Variants in IL1RAP observed in about 807,000 individuals in gnomAD.
IL1RAP encodes the protein interleukin 1 receptor accessory protein.
IL1RAP carries 35 observed loss-of-function variants against 60.7 expected under a neutral mutation model. That is an observed-to-expected ratio of 0.58 (90% confidence interval 0.44 to 0.76). IL1RAP has a LOEUF of 0.76. Ranked by LOEUF, IL1RAP falls within the 30% of genes least tolerant of loss-of-function variation. The pLI, the probability that IL1RAP is intolerant of heterozygous loss-of-function variation, is 0.00. For missense variants in IL1RAP, 572 were observed against 693.9 expected, an observed-to-expected ratio of 0.82 and a Z score of 1.97; for synonymous variants, 268 against 250.9, an observed-to-expected ratio of 1.07 and a Z score of -0.64.
At chr3:190,574,491 C>G (rs1020870060) in intron 3 of IL1RAP, among the ~76,000 whole-genome samples, 7 of 152,166 alleles carry the variant, frequency 4.6e-5, no homozygotes, top group Non-Finnish European at 8.8e-5. Context: ...CTGTGGCTAA[C>G]TCAGAGATAC....
At chr3:190,594,267 A>G (rs1402651345) in intron 3 of IL1RAP, among the ~76,000 whole-genome samples, 1 of 152,206 alleles carries the variant, frequency 6.6e-6, no homozygotes, top group Non-Finnish European at 1.5e-5. Flanking sequence ...CCAGACTCCA[A>G]GTAATGAGGA....
At chr3:190,533,260 A>G (rs755286860) in intron 1 of IL1RAP, among the ~76,000 whole-genome samples, 19 of 152,326 alleles carry the variant, frequency 1.2e-4, no homozygotes, top group Non-Finnish European at 2.6e-4. Flanking sequence ...TATGAAAACT[A>G]CATTAGTAAT....
At chr3:190,539,955 T>C (rs2108559251) in intron 1 of IL1RAP, among the ~76,000 whole-genome samples, 1 of 152,164 alleles carries the variant, frequency 6.6e-6, no homozygotes, top group South Asian at 2.1e-4. Flanking sequence ...AAAAAATATA[T>C]TTTATGGTTC....
chr3:190,627,297 TTTG>T, intron 7 of IL1RAP, 23 bp from the exon 8 acceptor site: 2 of 1,483,852 alleles, frequency 1.3e-6, no homozygotes, highest in South Asian at 1.2e-5. Context: ...TTTTGTTTTT[TTTG>T]TTTTTTTGGT....
intron 1 of IL1RAP, among the ~76,000 whole-genome samples, chr3:190,540,538 CT>C (rs983347493): frequency 2.0e-4 from 30 of 148,776 alleles, no homozygotes; most frequent in South Asian, 1.7e-3. Flanking sequence ...TTTGTATTTT[CT>C]TTTTTTTTTC....
At chr3:190,537,131 A>C (rs189466444) in intron 1 of IL1RAP, among the ~76,000 whole-genome samples, 1 of 152,332 alleles carries the variant, frequency 6.6e-6, no homozygotes, top group East Asian at 1.9e-4. Flanking sequence ...TGTGATATTT[A>C]AAGATTTTGC....
chr3:190,617,412 A>T (rs150621492), intron 5 of IL1RAP, among the ~76,000 whole-genome samples: 1 of 152,104 alleles, frequency 6.6e-6, no homozygotes, highest in African/African-American at 2.4e-5. Context: ...TTCTTTACCT[A>T]TATGTTGTGG....
exon 12 of IL1RAP, chr3:190,658,795 A>G (rs1307238038): frequency 6.6e-6 from 1 of 152,204 alleles, no homozygotes; most frequent in Non-Finnish European, 1.5e-5. Context: ...AAACAAACAA[A>G]AAACTAGAAG....
At chr3:190,608,488 G>A (rs1730544159) in intron 4 of IL1RAP, among the ~76,000 whole-genome samples, 1 of 152,182 alleles carries the variant, frequency 6.6e-6, no homozygotes, top group African/African-American at 2.4e-5. Flanking sequence ...AGGTGAGTGA[G>A]CAGTGAATGA....
At position 190,650,062 on chromosome 3, in the gene IL1RAP, T is replaced by C. The variant is rs1361515229; in HGVS notation, c.*1357T>C. 1.5e-5 allele frequency: 6 copies of C among 405,660 alleles called. No homozygotes were observed. Among genetic ancestry groups the C allele is most frequent in the Non-Finnish European group, 2.0e-5 (6 of 301,440 alleles). 25.1% of individuals were successfully genotyped at this position (405,660 alleles called of 1,614,324 possible). On this transcript the variant is annotated 3_prime_UTR_variant, in exon 12 of 12. Coordinates refer to ENST00000447382, the MANE Select transcript of IL1RAP (RefSeq NM_002182.4). ...TATATAAATCCACATGCACATGAAA[T>C]ATATATATATATATAATTTGTGTGT...
At chr3:190,596,360 T>A (rs1729378851) in intron 3 of IL1RAP, among the ~76,000 whole-genome samples, 1 of 152,244 alleles carries the variant, frequency 6.6e-6, no homozygotes, top group Non-Finnish European at 1.5e-5. Flanking sequence ...CAGCTTTTTT[T>A]TTTTGTGCTA....
intron 1 of IL1RAP, among the ~76,000 whole-genome samples, chr3:190,514,883 T>C (rs1332467271): frequency 2.0e-5 from 3 of 152,132 alleles, no homozygotes; most frequent in African/African-American, 7.2e-5. Flanking sequence ...GCCCCTCACT[T>C]GGGAAGAGCT....
At chr3:190,542,059 C>T (rs1723982480) in intron 1 of IL1RAP, among the ~76,000 whole-genome samples, 2 of 152,142 alleles carry the variant, frequency 1.3e-5, no homozygotes, top group South Asian at 2.1e-4. Context: ...CACTTCATTA[C>T]TTTCAAACTG....
At chr3:190,657,677 C>T (rs536764176) in exon 12 of IL1RAP, 8 of 152,290 alleles carry the variant, frequency 5.3e-5, no homozygotes, top group Middle Eastern at 3.4e-3. Context: ...TTTTCATAAA[C>T]TCATATAAGG....
At chr3:190,560,549 G>A (rs1034742563) in intron 2 of IL1RAP, among the ~76,000 whole-genome samples, 1 of 152,176 alleles carries the variant, frequency 6.6e-6, no homozygotes, top group Non-Finnish European at 1.5e-5. Context: ...TCTGAGTATA[G>A]AGCTATATAT....
At chr3:190,553,330 C>G (rs1725035589) in intron 1 of IL1RAP, among the ~76,000 whole-genome samples, 1 of 152,222 alleles carries the variant, frequency 6.6e-6, no homozygotes, top group East Asian at 1.9e-4. Flanking sequence ...CCTTATCATT[C>G]CTAGCCTAGT....
Position 190,650,861 on chromosome 3 carries a change from T to C in IL1RAP, c.*2156T>C. The C allele has an allele frequency of 2.0e-6, 2 of 985,424 alleles. No homozygotes were observed. Among genetic ancestry groups the C allele is most frequent in the Non-Finnish European group, 2.4e-6 (2 of 829,912 alleles). The allele number at this position is 985,424 out of a possible 1,614,324, so 61.0% of individuals were successfully genotyped here. On this transcript the variant is annotated 3_prime_UTR_variant, in exon 12 of 12. Coordinates refer to ENST00000447382, the MANE Select transcript of IL1RAP (RefSeq NM_002182.4). ...TTTAGGCAAACAGGGAATAGTCTAG[T>C]CACCAAAGGACCATTCTCTTGCCAA...
At chr3:190,592,612 G>A (rs898582810) in intron 3 of IL1RAP, among the ~76,000 whole-genome samples, 21 of 152,096 alleles carry the variant, frequency 1.4e-4, no homozygotes, top group African/African-American at 1.9e-4. Flanking sequence ...AGAAAGTGAC[G>A]CTTGTATTTA....
At position 190,650,149 on chromosome 3, in the gene IL1RAP, T is replaced by G. The variant is rs1382340693; in HGVS notation, c.*1444T>G. The G allele has an allele frequency of 2.8e-5, 28 of 983,906 alleles. No homozygotes were observed. Among genetic ancestry groups the G allele is most frequent in the Admixed American group, 1.2e-4 (2 of 16,256 alleles). The allele number at this position is 983,906 out of a possible 1,614,324, so 60.9% of individuals were successfully genotyped here. A position where few individuals can be genotyped will look rare whatever the true frequency, so the allele number is the denominator to read the frequency against. ...GTACAATATTAAAAACCACTGGAAC[T>G]CTTGTCCAGTTTTTAAATTATGTTT... On this transcript the variant is annotated 3_prime_UTR_variant, in exon 12 of 12. Transcript: ENST00000447382.
Sources: allele counts gnomAD v4.1 joint callset (sites outside exome capture counted in the v4.1 genomes callset), GRCh38; gene constraint gnomAD v4.1.1; transcripts MANE v1.5; gene names NCBI Gene and HGNC (gene_info 2026-07-23, HGNC 2026-07-21).